The following ZNF626 variants were observed in gnomAD, a reference collection of about 807,000 sequenced individuals.
ZNF626 encodes CTC-513N18.7.
In ZNF626, 4 loss-of-function variants were observed where a neutral mutation model predicts 11.7. The ratio of observed to expected loss-of-function variants is 0.34; its 90% confidence interval spans 0.17 to 0.78. ZNF626 has a LOEUF of 0.78. Ranked by LOEUF, ZNF626 falls within the 30% of genes least tolerant of loss-of-function variation. ZNF626 has a pLI of 0.57. For missense variants in ZNF626, 588 were observed against 587.1 expected, an observed-to-expected ratio of 1.00 and a Z score of -0.01; for synonymous variants, 179 against 198.6, an observed-to-expected ratio of 0.90 and a Z score of 0.83.
At chr19:20,627,690 G>C (rs989964064) in intron 3 of ZNF626, among the ~76,000 whole-genome samples, 2 of 152,026 alleles carry the variant, frequency 1.3e-5, no homozygotes, top group Admixed American at 1.3e-4. Flanking sequence ...GAGTCAACTT[G>C]CCTTTCTACA....
At chr19:20,658,965 A>G (rs1300826670) in intron 1 of ZNF626, among the ~76,000 whole-genome samples, 1 of 152,178 alleles carries the variant, frequency 6.6e-6, no homozygotes, top group Non-Finnish European at 1.5e-5. Flanking sequence ...GTTTCATATA[A>G]AAGATGCAGC....
chr19:20,633,766 T>C (rs7254897), intron 3 of ZNF626, among the ~76,000 whole-genome samples: 63,150 of 152,068 alleles, frequency 0.42, 13,618 homozygotes, highest in East Asian at 0.53. Context: ...CGCCCTGCTT[T>C]GGCTCGTGCA....
intron 1 of ZNF626, among the ~76,000 whole-genome samples, chr19:20,652,843 C>T (rs1385914624): frequency 6.6e-6 from 1 of 152,016 alleles, no homozygotes; most frequent in Non-Finnish European, 1.5e-5. Flanking sequence ...AGCTTTTTAG[C>T]AAGAGAAGGA....
chr19:20,635,415 T>A (rs1176259764), intron 3 of ZNF626, among the ~76,000 whole-genome samples: 1 of 152,190 alleles, frequency 6.6e-6, no homozygotes, highest in Admixed American at 6.5e-5. Flanking sequence ...CTCCGCCTCC[T>A]GGGTTTAAGT....
At chr19:20,660,898 A>T (rs1428379946) in intron 1 of ZNF626, among the ~76,000 whole-genome samples, 2 of 152,086 alleles carry the variant, frequency 1.3e-5, no homozygotes, top group African/African-American at 4.8e-5. Flanking sequence ...GGTAGGGTTG[A>T]TTTACAACTT....
intron 3 of ZNF626, among the ~76,000 whole-genome samples, chr19:20,626,395 ATG>A (rs1317901617): frequency 6.6e-6 from 1 of 152,236 alleles, no homozygotes. Context: ...CAACCATAAA[ATG>A]TATATGAGGT....
At chr19:20,637,038 A>AAAAAC (rs1969973898) in intron 3 of ZNF626, among the ~76,000 whole-genome samples, 1 of 149,014 alleles carries the variant, frequency 6.7e-6, no homozygotes, top group African/African-American at 2.5e-5. Flanking sequence ...AAAAAAAAAA[A>AAAAAC]GGCCCAGTGC....
intron 3 of ZNF626, among the ~76,000 whole-genome samples, chr19:20,636,833 T>C (rs1367274909): frequency 2.6e-5 from 4 of 152,010 alleles, no homozygotes; most frequent in Non-Finnish European, 5.9e-5. Flanking sequence ...CCAGCCTGAA[T>C]AACATGGTGA....
At chr19:20,641,980 A>G (rs1970029276) in intron 3 of ZNF626, among the ~76,000 whole-genome samples, 1 of 152,112 alleles carries the variant, frequency 6.6e-6, no homozygotes, top group Non-Finnish European at 1.5e-5. Flanking sequence ...AATTACCTTC[A>G]AATCACAAAA....
intron 3 of ZNF626, among the ~76,000 whole-genome samples, chr19:20,626,112 A>AG (rs11378213): frequency 6.6e-6 from 1 of 151,560 alleles, no homozygotes; most frequent in Non-Finnish European, 1.5e-5. Flanking sequence ...ATTACAAAAA[A>AG]TTAGCTGGGT....
At chr19:20,639,057 C>T (rs1969995919) in intron 3 of ZNF626, among the ~76,000 whole-genome samples, 1 of 151,892 alleles carries the variant, frequency 6.6e-6, no homozygotes, top group Admixed American at 6.6e-5. Flanking sequence ...AGGAAACTTA[C>T]AATCATGGTG....
intron 1 of ZNF626, among the ~76,000 whole-genome samples, chr19:20,658,517 C>G (rs782051435): frequency 7.2e-5 from 11 of 152,092 alleles, no homozygotes; most frequent in Admixed American, 3.3e-4. Context: ...AGAACTCTTT[C>G]CTCTAAGTTT....
In ZNF626 at chr19:20,620,037, C is replaced by T. The variant is rs1250698699; in HGVS notation, c.*4253G>A. ...CTTTATGTGTCATTTTATACATTCACACACACATAGAACAATAAAAATGTA... is the reference window on the plus strand; with the variant it reads ...CTTTATGTGTCATTTTATACATTCATACACACATAGAACAATAAAAATGTA... On this transcript the variant is annotated 3_prime_UTR_variant, in exon 4 of 4. Coordinates refer to ENST00000601440, the MANE Select transcript of ZNF626 (RefSeq NM_001076675.3). 2.0e-5 allele frequency: 3 copies of T among 152,062 alleles called. No individual in the cohort carries two copies. The highest frequency in any genetic ancestry group is 7.2e-5 in the African/African-American group (3 of 41,388). The allele number at this position is 152,062 out of a possible 1,614,324, so 9.4% of individuals were successfully genotyped here.
chr19:20,642,483 C>T (rs557763183), intron 3 of ZNF626, among the ~76,000 whole-genome samples: 2 of 152,042 alleles, frequency 1.3e-5, no homozygotes, highest in Admixed American at 1.3e-4. Flanking sequence ...GTAGTCCCAG[C>T]TATTCCGGAG....
intron 1 of ZNF626, among the ~76,000 whole-genome samples, chr19:20,656,079 T>C (rs1321678620): frequency 6.6e-6 from 1 of 151,950 alleles, no homozygotes; most frequent in African/African-American, 2.4e-5. Context: ...GAAAGATATA[T>C]GAAATCCGTA....
At chr19:20,629,493 T>C (rs1328387152) in intron 3 of ZNF626, among the ~76,000 whole-genome samples, 5 of 152,230 alleles carry the variant, frequency 3.3e-5, no homozygotes, top group African/African-American at 1.2e-4. Context: ...GAAGAGGTCC[T>C]TCACATCCCT....
intron 1 of ZNF626, among the ~76,000 whole-genome samples, chr19:20,659,264 G>C (rs1970238044): frequency 6.6e-6 from 1 of 151,716 alleles, no homozygotes; most frequent in Admixed American, 6.6e-5. Context: ...TTTTGAGATG[G>C]AGTCTCGCTC....
intron 3 of ZNF626, among the ~76,000 whole-genome samples, chr19:20,631,015 CTTCAT>C (rs1555770297): frequency 6.6e-6 from 1 of 151,964 alleles, no homozygotes. Context: ...TTATTTCTGC[CTTCAT>C]TTCATTATTT....
chr19:20,633,179 G>T (rs1183663318), intron 3 of ZNF626, among the ~76,000 whole-genome samples: 4 of 152,172 alleles, frequency 2.6e-5, no homozygotes, highest in African/African-American at 9.7e-5. Flanking sequence ...GCCGTGTCAG[G>T]TGTCAGTCCA....
Sources: gnomAD v4.1 joint callset for allele counts (sites outside exome capture counted in the v4.1 genomes callset) on GRCh38, gnomAD v4.1.1 for gene constraint, MANE v1.5 for transcripts, NCBI Gene and HGNC (gene_info 2026-07-23, HGNC 2026-07-21) for gene names.